The following LRBA variants were observed in gnomAD, a reference collection of about 807,000 sequenced individuals.
LRBA encodes the protein LPS responsive beige-like anchor protein.
A neutral mutation model predicts 330.0 loss-of-function variants in LRBA; 176 were observed. That is an observed-to-expected ratio of 0.53 (90% confidence interval 0.47 to 0.60). The LOEUF (loss-of-function observed/expected upper bound fraction) is 0.60. Among genes scored for constraint, LRBA ranks in the 20% least tolerant of loss-of-function variants. The pLI is 0.00. For synonymous variants in LRBA, 1,230 were observed against 1,193.0 expected (o/e 1.03, Z -0.64); for missense variants, 3,259 against 3,444.8 (o/e 0.95, Z 1.35).
At chr4:150,727,987 G>C (rs1172031140) in intron 36 of LRBA, among the ~76,000 whole-genome samples, 1 of 152,046 alleles carries the variant, frequency 6.6e-6, no homozygotes, top group Non-Finnish European at 1.5e-5. Context: ...AAGAAAAAGA[G>C]AAGATCCAAA....
intron 37 of LRBA, among the ~76,000 whole-genome samples, chr4:150,681,154 C>CAT (rs1213519818): frequency 4.6e-5 from 7 of 152,154 alleles, no homozygotes; most frequent in Non-Finnish European, 1.0e-4. Context: ...GCAGGCTTAG[C>CAT]ATAGTTAAAT....
intron 28 of LRBA, among the ~76,000 whole-genome samples, chr4:150,842,187 G>A (rs1435694354): frequency 6.6e-6 from 1 of 152,146 alleles, no homozygotes; most frequent in Non-Finnish European, 1.5e-5. Flanking sequence ...GGTTCTTCAA[G>A]AGCCAGATCA....
intron 44 of LRBA, among the ~76,000 whole-genome samples, chr4:150,440,741 CAG>C (rs2152003615): frequency 6.6e-6 from 1 of 152,036 alleles, no homozygotes; most frequent in African/African-American, 2.4e-5. Context: ...GCCTGGGTGA[CAG>C]AGTGAGACCC....
chr4:150,928,492 CA>C lies in LRBA; in HGVS notation c.549+23del, dbSNP rs756618490. Reference sequence around the variant, plus strand: ...TTGGGAGGAGCATACTTTAAAATACCAAAGAGTACTTAAGTTTTTTTACCCA... The same window carrying C: ...TTGGGAGGAGCATACTTTAAAATACCAAGAGTACTTAAGTTTTTTTACCCA... On this transcript the variant is annotated intron_variant, in intron 4 of 56. Coordinates refer to ENST00000651943, the MANE Select transcript of LRBA (RefSeq NM_001364905.1). 2.7e-6 allele frequency: 4 copies of C among 1,473,902 alleles called. No individual in the cohort carries two copies. In the South Asian group the frequency reaches 4.6e-5, roughly 17 times the overall value. The allele number at this position is 1,473,902 out of a possible 1,614,324, so 91.3% of individuals were successfully genotyped here. A position where few individuals can be genotyped will look rare whatever the true frequency, so the allele number is the denominator to read the frequency against.
chr4:150,980,961 A>G (rs568965321), intron 2 of LRBA, among the ~76,000 whole-genome samples: 1 of 152,154 alleles, frequency 6.6e-6, no homozygotes, highest in Non-Finnish European at 1.5e-5. Context: ...AATACTGGTG[A>G]AAAAAAGTGA....
intron 44 of LRBA, among the ~76,000 whole-genome samples, chr4:150,449,193 A>G (rs562417000): frequency 2.6e-5 from 4 of 152,262 alleles, no homozygotes; most frequent in Non-Finnish European, 5.9e-5. Flanking sequence ...TACCGCAGGA[A>G]AAGGGATAGA....
intron 40 of LRBA, among the ~76,000 whole-genome samples, chr4:150,549,025 A>T (rs570221674): frequency 1.3e-5 from 2 of 152,244 alleles, no homozygotes; most frequent in South Asian, 4.1e-4. Context: ...TATCAAAATC[A>T]CCTATGTTCC....
At chr4:150,742,148 T>TA (rs1338507788) in intron 35 of LRBA, among the ~76,000 whole-genome samples, 86 of 60,888 alleles carry the variant, frequency 1.4e-3, no homozygotes, top group African/African-American at 4.7e-3. Context: ...ATTATTATTA[T>TA]TATTTTTTTT....
chr4:150,938,311 A>G (rs567046652), intron 2 of LRBA, among the ~76,000 whole-genome samples: 2 of 152,192 alleles, frequency 1.3e-5, no homozygotes, highest in African/African-American at 2.4e-5. Flanking sequence ...AAGATATCCA[A>G]TTTTTCTCCA....
intron 28 of LRBA, chr4:150,840,554 A>C (rs1036647179): frequency 3.9e-5 from 6 of 152,596 alleles, no homozygotes; most frequent in African/African-American, 7.2e-5. Context: ...TAGCACAGTC[A>C]GACATTTATT....
At chr4:150,292,314 T>A (rs1054113951) in intron 53 of LRBA, among the ~76,000 whole-genome samples, 1 of 152,204 alleles carries the variant, frequency 6.6e-6, no homozygotes, top group African/African-American at 2.4e-5. Flanking sequence ...GGCAAACTTG[T>A]AGTTACTTTA....
intron 31 of LRBA, among the ~76,000 whole-genome samples, chr4:150,812,469 A>G (rs899039468): frequency 2.0e-5 from 3 of 152,224 alleles, no homozygotes; most frequent in African/African-American, 4.8e-5. Flanking sequence ...AAGAATCATT[A>G]AAACAAATGC....
At chr4:150,578,758 G>A (rs2126331993) in intron 40 of LRBA, among the ~76,000 whole-genome samples, 2 of 152,308 alleles carry the variant, frequency 1.3e-5, no homozygotes, top group East Asian at 1.9e-4. Flanking sequence ...TGATGCAAGA[G>A]GTAAAGCCTA....
intron 2 of LRBA, among the ~76,000 whole-genome samples, chr4:150,952,470 T>C (rs1736943438): frequency 6.6e-6 from 1 of 152,170 alleles, no homozygotes; most frequent in African/African-American, 2.4e-5. Context: ...TCATACTTTT[T>C]TAAATGAGCA....
intron 47 of LRBA, among the ~76,000 whole-genome samples, chr4:150,415,146 G>C (rs1747552092): frequency 6.6e-6 from 1 of 152,130 alleles, no homozygotes; most frequent in Non-Finnish European, 1.5e-5. Context: ...CTCATATTTG[G>C]AAAAACTTAC....
chr4:150,509,931 G>A (rs533695813), intron 40 of LRBA, among the ~76,000 whole-genome samples: 6 of 152,330 alleles, frequency 3.9e-5, no homozygotes, highest in African/African-American at 1.2e-4. Context: ...GAAGTCTGGA[G>A]TTCGAGACCA....
At chr4:150,824,779 T>A (rs182232019) in intron 30 of LRBA, among the ~76,000 whole-genome samples, 14 of 152,282 alleles carry the variant, frequency 9.2e-5, no homozygotes, top group Non-Finnish European at 4.4e-5. Context: ...CATCAATTTT[T>A]AAAAAGTTTC....
At chr4:150,622,688 C>CTTTTTTTTTTTTTTTTTTT (rs10528461) in intron 37 of LRBA, among the ~76,000 whole-genome samples, 4 of 105,662 alleles carry the variant, frequency 3.8e-5, no homozygotes, top group African/African-American at 1.2e-4. Flanking sequence ...CTAAATCAAT[C>CTTTTTTTTTTTTTTTTTTT]TTTTTTTTTT....
At chr4:150,325,029 C>T (rs1453517620) in intron 49 of LRBA, among the ~76,000 whole-genome samples, 1 of 152,050 alleles carries the variant, frequency 6.6e-6, no homozygotes, top group Non-Finnish European at 1.5e-5. Context: ...TGACTTTTGA[C>T]TTGCTTTGAC....
Sources: allele counts gnomAD v4.1 joint callset (sites outside exome capture counted in the v4.1 genomes callset), GRCh38; gene constraint gnomAD v4.1.1; transcripts MANE v1.5; gene names NCBI Gene and HGNC (gene_info 2026-07-23, HGNC 2026-07-21).